Variants in EHBP1 observed in about 807,000 individuals in gnomAD.
EHBP1 encodes the protein EH domain-binding protein 1.
A neutral mutation model predicts 144.0 loss-of-function variants in EHBP1; 55 were observed. The observed-to-expected ratio is 0.38, with a 90% CI of 0.31 to 0.48. EHBP1 has a LOEUF of 0.48. EHBP1 is among the 20% of genes least tolerant of loss of function. The pLI is 0.98. For synonymous variants in EHBP1, 469 were observed against 472.7 expected, an observed-to-expected ratio of 0.99 and a Z score of 0.10; for missense variants, 1,200 against 1,364.2, an observed-to-expected ratio of 0.88 and a Z score of 1.90.
Position 62,851,824 on chromosome 2 carries a change from C to CAGAAGTTCTAGGAGTGAAG in EHBP1, c.635-7345_635-7344insAGAAGTTCTAGGAGTGAAG, listed in dbSNP as rs879922289. 1.5e-3 allele frequency among the ~76,000 whole-genome samples: 233 copies of CAGAAGTTCTAGGAGTGAAG among 152,096 alleles called. 1 individual carries two copies. Among genetic ancestry groups the CAGAAGTTCTAGGAGTGAAG allele is most frequent in the Non-Finnish European group, 2.3e-3 (158 of 67,978 alleles). On this transcript the variant is annotated intron_variant, in intron 7 of 22. Coordinates refer to ENST00000431489, the MANE Select transcript of EHBP1 (RefSeq NM_001142616.3). ...GGAGTGAAGTAGGGATTTACTTAAG[C>CAGAAGTTCTAGGAGTGAAG]TAAGGATAAATGGTGGAAACTACTA...
intron 3 of EHBP1, among the ~76,000 whole-genome samples, chr2:62,754,576 C>T (rs945102754): frequency 2.0e-5 from 3 of 152,222 alleles, no homozygotes; most frequent in African/African-American, 7.2e-5. Context: ...TTCAGCTATG[C>T]CCTGCCTCCA....
chr2:62,830,835 T>A (rs1399097621), intron 6 of EHBP1, among the ~76,000 whole-genome samples, 184 bp from the exon 7 acceptor site: 6 of 152,236 alleles, frequency 3.9e-5, no homozygotes, highest in African/African-American at 1.4e-4. Flanking sequence ...CTTTACTAAT[T>A]AAGCATGCCA....
At chr2:62,831,247 C>T (rs1245643511) in intron 7 of EHBP1, 89 bp downstream of exon 7, 2 of 1,293,888 alleles carry the variant, frequency 1.5e-6, no homozygotes, top group East Asian at 2.7e-5. Flanking sequence ...AACAATTCTA[C>T]TTATTGGGTT....
chr2:63,039,016 A>G (rs2061555714), intron 21 of EHBP1, among the ~76,000 whole-genome samples, 200 bp downstream of exon 21: 1 of 152,338 alleles, frequency 6.6e-6, no homozygotes, highest in African/African-American at 2.4e-5. Flanking sequence ...TATGTTTGCT[A>G]TTAATAGTAG....
intron 2 of EHBP1, among the ~76,000 whole-genome samples, chr2:62,735,082 A>G (rs1208134804): frequency 5.3e-5 from 8 of 152,090 alleles, no homozygotes; most frequent in African/African-American, 1.9e-4. Flanking sequence ...ATTTGTAGAG[A>G]CGAGGGCTCA....
chr2:62,725,888 T>C (rs966190918), intron 2 of EHBP1, among the ~76,000 whole-genome samples: 2 of 152,108 alleles, frequency 1.3e-5, no homozygotes, highest in Non-Finnish European at 2.9e-5. Flanking sequence ...GCTGCCCTGC[T>C]GGAGCTCTCC....
At chr2:63,024,407 C>T (rs1412247418) in intron 19 of EHBP1, among the ~76,000 whole-genome samples, 3 of 151,966 alleles carry the variant, frequency 2.0e-5, no homozygotes, top group Non-Finnish European at 4.4e-5. Flanking sequence ...TGTTCAAGAC[C>T]AGCTGGGCAA....
intron 10 of EHBP1, among the ~76,000 whole-genome samples, chr2:62,905,909 A>T (rs1231869696): frequency 2.0e-5 from 3 of 152,142 alleles, no homozygotes; most frequent in African/African-American, 7.2e-5. Flanking sequence ...AGTCTGGGCA[A>T]AAAACGATGG....
intron 6 of EHBP1, 57 bp downstream of exon 6, chr2:62,826,325 T>G: frequency 1.7e-5 from 24 of 1,450,054 alleles, no homozygotes; most frequent in Non-Finnish European, 2.1e-5. Flanking sequence ...CACCATAGCT[T>G]TTGACTCAGT....
chr2:62,959,132 G>C (rs1006123266), intron 14 of EHBP1, among the ~76,000 whole-genome samples: 1 of 152,152 alleles, frequency 6.6e-6, no homozygotes, highest in Non-Finnish European at 1.5e-5. Flanking sequence ...CGCAGTATTT[G>C]TCTTTCTATA....
intron 1 of EHBP1, among the ~76,000 whole-genome samples, chr2:62,678,856 T>A (rs1476790870): frequency 6.6e-6 from 1 of 152,202 alleles, no homozygotes; most frequent in Non-Finnish European, 1.5e-5. Context: ...TTGTCTTTTT[T>A]ATAACCCATT....
chr2:62,793,494 C>T (rs2043310427), intron 5 of EHBP1, among the ~76,000 whole-genome samples: 1 of 151,972 alleles, frequency 6.6e-6, no homozygotes, highest in Admixed American at 6.6e-5. Context: ...TGACTAGGTT[C>T]AGCGTTGAGT....
intron 2 of EHBP1, among the ~76,000 whole-genome samples, chr2:62,730,108 G>T (rs898632759): frequency 6.6e-6 from 1 of 151,992 alleles, no homozygotes; most frequent in South Asian, 2.1e-4. Flanking sequence ...ACAATTAATA[G>T]ACTTTATGGT....
At chr2:62,864,506 G>T (rs1226938878) in intron 8 of EHBP1, among the ~76,000 whole-genome samples, 4 of 152,140 alleles carry the variant, frequency 2.6e-5, no homozygotes, top group African/African-American at 9.7e-5. Context: ...ATTTTTGGGA[G>T]TACCATTCCT....
intron 5 of EHBP1, among the ~76,000 whole-genome samples, chr2:62,793,356 C>T (rs1341036965): frequency 6.6e-6 from 1 of 152,068 alleles, no homozygotes; most frequent in African/African-American, 2.4e-5. Flanking sequence ...TGCAGTGACT[C>T]TCACTTTGGA....
At position 62,684,896 on chromosome 2, in the gene EHBP1, A is replaced by G. The variant is rs141912415; in HGVS notation, c.-296+10813A>G. ...AAAAACTGGGTGACTTACACAGTGAAATTTGTTGTCTCACAGCTCTGGAGG... is the reference window on the plus strand; with the variant it reads ...AAAAACTGGGTGACTTACACAGTGAGATTTGTTGTCTCACAGCTCTGGAGG... On this transcript the variant is annotated intron_variant, in intron 1 of 22. Transcript: ENST00000405015. 2.1e-3 allele frequency among the ~76,000 whole-genome samples: 326 copies of G among 152,296 alleles called. 4 individuals are homozygous for G. The highest frequency in any genetic ancestry group is 0.016 in the Admixed American group (243 of 15,300).
chr2:63,038,605 G>C (rs1190772895), intron 20 of EHBP1, 138 bp from the exon 21 acceptor site: 3 of 661,430 alleles, frequency 4.5e-6, no homozygotes, highest in Admixed American at 5.3e-5. Context: ...TTAGGTTTGT[G>C]TATCATTCAT....
Position 62,948,280 on chromosome 2 carries a change from C to T in EHBP1, c.1434C>T (p.Ser478=), listed in dbSNP as rs745318418. The T allele has an allele frequency of 1.2e-5, 19 of 1,577,450 alleles. No homozygotes were observed. Among genetic ancestry groups the T allele is most frequent in the Admixed American group, 1.8e-5 (1 of 55,900 alleles). Residue 478 remains serine, a synonymous_variant, in exon 13 of 23, where the codon AGC becomes AGT. Transcript: ENST00000431489. The part of the protein sequence containing the change: ...NNKKAYDGFA[S]IGISRLLEPS... The stretch of plus-strand genomic sequence containing the variant: ...TGAAGGCATACGATGGATTTGCCAG[C>T]ATAGGAATTTCCCGATTATTGGAAC...
chr2:62,965,105 A>C (rs1010502857), intron 14 of EHBP1: 1 of 152,596 alleles, frequency 6.6e-6, no homozygotes, highest in African/African-American at 2.4e-5. Context: ...TTTTAGCCGC[A>C]GAAACTGTTT....
Sources: gnomAD v4.1 joint callset for allele counts (sites outside exome capture counted in the v4.1 genomes callset) on GRCh38, gnomAD v4.1.1 for gene constraint, MANE v1.5 for transcripts, NCBI Gene and HGNC (gene_info 2026-07-23, HGNC 2026-07-21) for gene names.